Variants in HPGDS observed in about 807,000 individuals in gnomAD.
The protein encoded by HPGDS is GST class-sigma.
In HPGDS, 26 loss-of-function variants were observed where a neutral mutation model predicts 23.1. The observed-to-expected ratio is 1.13, with a 90% CI of 0.83 to 1.56. The LOEUF (loss-of-function observed/expected upper bound fraction) is 1.56, where lower values mean the gene tolerates loss of function less well. Ranked by LOEUF, HPGDS falls within the 40% of genes most tolerant of loss-of-function variation. HPGDS has a pLI of 0.00. For synonymous variants in HPGDS, 95 were observed against 77.9 expected, an observed-to-expected ratio of 1.22 and a Z score of -1.16; for missense variants, 268 against 236.4, an observed-to-expected ratio of 1.13 and a Z score of -0.88.
chr4:94,311,780 G>A (rs1420299975), intron 3 of HPGDS, among the ~76,000 whole-genome samples: 3 of 151,100 alleles, frequency 2.0e-5, no homozygotes, highest in African/African-American at 4.9e-5. Flanking sequence ...GACTTTTTTT[G>A]GTTGGTAAGC....
chr4:94,322,046 G>C (rs369919740), intron 2 of HPGDS, among the ~76,000 whole-genome samples: 25 of 152,260 alleles, frequency 1.6e-4, no homozygotes, highest in African/African-American at 5.8e-4. Context: ...CTTTGGTTCT[G>C]TTAAGGTGAT....
At chr4:94,329,273 T>A (rs1756692185) in intron 2 of HPGDS, among the ~76,000 whole-genome samples, 1 of 152,184 alleles carries the variant, frequency 6.6e-6, no homozygotes, top group African/African-American at 2.4e-5. Context: ...TAAGAGGTTA[T>A]ATAAATTGCC....
intron 2 of HPGDS, among the ~76,000 whole-genome samples, chr4:94,332,343 C>A (rs1055252479): frequency 6.6e-6 from 1 of 152,170 alleles, no homozygotes; most frequent in African/African-American, 2.4e-5. Flanking sequence ...GTGCAGGGAC[C>A]CACCAAGTAC....
At chr4:94,303,766 A>C (rs991923226) in intron 4 of HPGDS, 2 of 152,040 alleles carry the variant, frequency 1.3e-5, no homozygotes, top group Non-Finnish European at 2.9e-5. Context: ...TCCTGTGTGC[A>C]CTCCTGGCAA....
At chr4:94,340,463 C>T (rs1354418634) in intron 1 of HPGDS, among the ~76,000 whole-genome samples, 3 of 142,266 alleles carry the variant, frequency 2.1e-5, no homozygotes, top group Non-Finnish European at 3.1e-5. Context: ...CTCAGCTTCC[C>T]GAGTAGCTGG....
intron 2 of HPGDS, 94 bp downstream of exon 2, chr4:94,334,403 C>T: frequency 8.5e-7 from 1 of 1,179,130 alleles, no homozygotes; most frequent in Non-Finnish European, 1.2e-6. Context: ...GCTACATGAG[C>T]TTCGAAAACC....
intron 1 of HPGDS, 66 bp from the exon 2 acceptor site, chr4:94,334,704 A>G: frequency 6.8e-7 from 1 of 1,476,952 alleles, no homozygotes; most frequent in Non-Finnish European, 9.1e-7. Context: ...ATTTTTCTTC[A>G]GAATTTTTTG....
At chr4:94,335,631 A>G (rs1720990341) in intron 1 of HPGDS, among the ~76,000 whole-genome samples, 1 of 152,186 alleles carries the variant, frequency 6.6e-6, no homozygotes. Context: ...TAATACATAT[A>G]AGGTACGTAG....
chr4:94,303,240 A>G (rs1756078374), intron 4 of HPGDS, among the ~76,000 whole-genome samples: 1 of 152,168 alleles, frequency 6.6e-6, no homozygotes, highest in South Asian at 2.1e-4. Context: ...CCTTACATAC[A>G]GGTTGAGCCT....
At chr4:94,339,607 G>A (rs1245436694) in intron 1 of HPGDS, among the ~76,000 whole-genome samples, 1 of 152,122 alleles carries the variant, frequency 6.6e-6, no homozygotes, top group African/African-American at 2.4e-5. Flanking sequence ...ATTAATATAT[G>A]CATTAGGAAA....
At chr4:94,319,672 G>C (rs1023081188) in intron 2 of HPGDS, among the ~76,000 whole-genome samples, 3 of 152,092 alleles carry the variant, frequency 2.0e-5, no homozygotes, top group Non-Finnish European at 4.4e-5. Context: ...TTCACTTCCA[G>C]ATGTAGGGCT....
intron 1 of HPGDS, among the ~76,000 whole-genome samples, chr4:94,340,932 C>G (rs1177478346): frequency 6.7e-6 from 1 of 149,152 alleles, no homozygotes; most frequent in Non-Finnish European, 1.5e-5. Flanking sequence ...GCAGCATCCG[C>G]CTCCCGGGTT....
intron 2 of HPGDS, among the ~76,000 whole-genome samples, chr4:94,321,515 C>T (rs1478382974): frequency 1.3e-5 from 2 of 152,142 alleles, no homozygotes; most frequent in East Asian, 3.8e-4. Flanking sequence ...ATTTTATTCT[C>T]TTTGAAGCAA....
chr4:94,305,085 C>A (rs558620020), intron 4 of HPGDS, among the ~76,000 whole-genome samples: 1 of 152,150 alleles, frequency 6.6e-6, no homozygotes, highest in African/African-American at 2.4e-5. Flanking sequence ...AAGTATATAA[C>A]ACTATTAATT....
chr4:94,337,793 T>C (rs1472591515), intron 1 of HPGDS, among the ~76,000 whole-genome samples: 2 of 152,364 alleles, frequency 1.3e-5, no homozygotes, highest in East Asian at 3.9e-4. Context: ...AACAAAGTGA[T>C]TGTTTTTTAT....
rs11097414 is a variant in HPGDS, at chr4:94,339,150, A to C, written c.-10+3645T>G. ...ATAATTAGACCCCAACTTTCTATCA[A>C]ACACAGAAATAACATCTAGGTTATC... is the stretch of plus-strand genomic sequence containing the variant. On this transcript the variant is annotated intron_variant, in intron 1 of 5. Coordinates refer to ENST00000295256, the MANE Select transcript of HPGDS (RefSeq NM_014485.3). Among the ~76,000 whole-genome samples the C allele has an allele frequency of 5.6e-3, 855 of 152,104 alleles. 5 individuals carry two copies. Among genetic ancestry groups the C allele is most frequent in the African/African-American group, 0.02 (811 of 41,494 alleles).
At chr4:94,338,189 C>T (rs746843782) in intron 1 of HPGDS, among the ~76,000 whole-genome samples, 8 of 152,092 alleles carry the variant, frequency 5.3e-5, no homozygotes, top group African/African-American at 1.4e-4. Context: ...TTTGGGAGGC[C>T]GAGGCGGGCA....
At chr4:94,308,892 C>G (rs1418845167) in intron 3 of HPGDS, 149 bp from the exon 4 acceptor site, 1 of 479,088 alleles carries the variant, frequency 2.1e-6, no homozygotes, top group Non-Finnish European at 3.7e-6. Flanking sequence ...ACATTTTGCT[C>G]CCTTACCTAC....
chr4:94,315,151 C>T (rs1191506469), intron 3 of HPGDS, among the ~76,000 whole-genome samples: 1 of 151,994 alleles, frequency 6.6e-6, no homozygotes, highest in Non-Finnish European at 1.5e-5. Flanking sequence ...CTGTCCTGCA[C>T]CTACTGTCTG....
Sources: gnomAD v4.1 joint callset for allele counts (sites outside exome capture counted in the v4.1 genomes callset) on GRCh38, gnomAD v4.1.1 for gene constraint, MANE v1.5 for transcripts, NCBI Gene and HGNC (gene_info 2026-07-23, HGNC 2026-07-21) for gene names.